The following SMURF1 variants were observed in gnomAD, a reference collection of about 807,000 sequenced individuals.
The protein encoded by SMURF1 is E3 ubiquitin-protein ligase SMURF1.
Under a neutral mutation model 98.0 loss-of-function variants are expected in SMURF1, and 44 were observed. That is an observed-to-expected ratio of 0.45 (90% CI 0.35 to 0.58). The LOEUF (loss-of-function observed/expected upper bound fraction) is 0.58. Among genes scored for constraint, SMURF1 ranks in the 20% least tolerant of loss-of-function variants. SMURF1 has a pLI of 0.00. For synonymous variants in SMURF1, 396 were observed against 374.9 expected, an observed-to-expected ratio of 1.06 and a Z score of -0.65; for missense variants, 687 against 938.4, an observed-to-expected ratio of 0.73 and a Z score of 3.50.
At chr7:99,113,559 G>A (rs373045995) in intron 1 of SMURF1, among the ~76,000 whole-genome samples, 5 of 151,940 alleles carry the variant, frequency 3.3e-5, no homozygotes, top group Admixed American at 1.3e-4. Context: ...AACATTAGAC[G>A]GCTGGGAGCG....
Position 99,030,682 on chromosome 7 carries a change from A to C in SMURF1, c.2098T>G (p.Phe700Val). The C allele has an allele frequency of 1.9e-6, 3 of 1,613,878 alleles. No homozygotes were observed. Among genetic ancestry groups the C allele is most frequent in the Non-Finnish European group, 2.5e-6 (3 of 1,179,884 alleles). ...TDNLPKAHTCFNRIDIPPYES... is the reference protein window; with the variant it reads ...TDNLPKAHTCVNRIDIPPYES... The stretch of plus-strand genomic sequence containing the variant: ...TATGGTGGAATGTCGATCCGGTTAA[A>C]GCTGAAAAAGGACAAAAGAGAGTCA... The change falls in exon 18 of 18, where the codon TTT becomes GTT. Residue 700 changes from phenylalanine to valine, a missense_variant and splice_region_variant. Transcript: ENST00000361368.
intron 1 of SMURF1, among the ~76,000 whole-genome samples, chr7:99,084,789 T>C (rs1350817819): frequency 6.6e-6 from 1 of 152,142 alleles, no homozygotes; most frequent in Non-Finnish European, 1.5e-5. Flanking sequence ...CTTACTGATA[T>C]GGTTTGGGTA....
At chr7:99,070,570 T>G (rs1796293585) in intron 1 of SMURF1, among the ~76,000 whole-genome samples, 1 of 152,218 alleles carries the variant, frequency 6.6e-6, no homozygotes, top group African/African-American at 2.4e-5. Flanking sequence ...TCTTAACCAC[T>G]GTCTCCCCAG....
intron 17 of SMURF1, among the ~76,000 whole-genome samples, chr7:99,032,438 G>A (rs1794937890): frequency 6.6e-6 from 1 of 152,228 alleles, no homozygotes; most frequent in African/African-American, 2.4e-5. Flanking sequence ...GGAGGCCGAG[G>A]TGGGCAGATC....
rs1386687681 is a variant in SMURF1, at chr7:99,063,282, TATATATATATATATATATATATAA to T, written c.56-1469_56-1446del. 2.8e-3 allele frequency among the ~76,000 whole-genome samples: 48 copies of T among 16,988 alleles called. 4 individuals are homozygous for T. The highest frequency in any genetic ancestry group is 6.2e-3 in the East Asian group (4 of 644). The allele number at this position is 16,988 out of a possible 152,430, so 11.1% of individuals were successfully genotyped here. A position where few individuals can be genotyped will look rare whatever the true frequency, so the allele number is the denominator to read the frequency against. ...ATATATATATATATATATATATATA[TATATATATATATATATATATATAA>T]AAAGAGACAGGGTCTCACTCCGTCA... On this transcript the variant is annotated intron_variant, in intron 1 of 17. Transcript: ENST00000361368.
intron 1 of SMURF1, among the ~76,000 whole-genome samples, chr7:99,085,353 C>CAAAAAA (rs992976220): frequency 1.1e-4 from 6 of 52,234 alleles, no homozygotes; most frequent in Non-Finnish European, 1.9e-4. Flanking sequence ...AACTCCATCT[C>CAAAAAA]AAAAAAAAAA....
chr7:99,126,620 A>T (rs975898988), intron 1 of SMURF1, among the ~76,000 whole-genome samples: 1 of 152,188 alleles, frequency 6.6e-6, no homozygotes, highest in African/African-American at 2.4e-5. Context: ...GCGCCATTGC[A>T]CTCCAGCCTG....
intron 1 of SMURF1, among the ~76,000 whole-genome samples, chr7:99,067,953 C>G (rs907261723): frequency 6.6e-6 from 1 of 152,052 alleles, no homozygotes; most frequent in East Asian, 1.9e-4. Context: ...GACTATCCCC[C>G]CCACCAAAAA....
rs368071860 is a variant in SMURF1 at position 99,057,325 on chromosome 7, C to A, written c.338-55G>T. 23 of 1,613,536 alleles carry A rather than the reference C, an allele frequency of 1.4e-5. No individual in the cohort carries two copies. The African/African-American group carries it at 2.4e-4, about 17-fold the overall frequency. ...AAGGAACGTGAACTAGGGAGGAAGG[C>A]AGGAATTCAGTATTCAGCGATCAAA... On this transcript the variant is annotated intron_variant, in intron 4 of 17. Transcript: ENST00000361368.
intron 1 of SMURF1, among the ~76,000 whole-genome samples, chr7:99,123,493 C>T (rs1352923582): frequency 6.6e-6 from 1 of 152,050 alleles, no homozygotes; most frequent in Non-Finnish European, 1.5e-5. Context: ...ATGATTGCAC[C>T]GCTGCACTCT....
At chr7:99,057,949 A>C (rs1481400818) in intron 3 of SMURF1, among the ~76,000 whole-genome samples, 1 of 151,732 alleles carries the variant, frequency 6.6e-6, no homozygotes, top group Non-Finnish European at 1.5e-5. Context: ...TCTTTAAGAA[A>C]CCTTATAAAA....
chr7:99,038,893 C>T lies in SMURF1; in HGVS notation c.1551-368G>A, dbSNP rs145282849. On this transcript the variant is annotated intron_variant, in intron 13 of 17. Transcript: ENST00000361368. ...AAATTGACCTGGAGATGAAGCCATG[C>T]CAAGAAAATACTGTGCCTGGCCAGG... Among the ~76,000 whole-genome samples, 233 of 152,098 alleles carry T rather than the reference C, an allele frequency of 1.5e-3. 1 individual carries two copies. The highest frequency in any genetic ancestry group is 5.4e-3 in the African/African-American group (223 of 41,500).
At chr7:99,092,150 T>C (rs1363051800) in intron 1 of SMURF1, among the ~76,000 whole-genome samples, 1 of 152,200 alleles carries the variant, frequency 6.6e-6, no homozygotes, top group Non-Finnish European at 1.5e-5. Context: ...ATTTTTAACT[T>C]GTCTTAATAA....
chr7:99,040,977 T>A (rs1795354787), intron 12 of SMURF1, among the ~76,000 whole-genome samples: 1 of 151,870 alleles, frequency 6.6e-6, no homozygotes, highest in Non-Finnish European at 1.5e-5. Context: ...AAGGGCAAGT[T>A]CCCTTCCTCC....
chr7:99,051,045 A>G (rs1414546030), intron 8 of SMURF1: 2 of 1,462,588 alleles, frequency 1.4e-6, no homozygotes, highest in East Asian at 2.5e-5. Flanking sequence ...CAGAGTCTTT[A>G]TATTTCCTTG....
chr7:99,108,477 T>G (rs1797241902), intron 1 of SMURF1, among the ~76,000 whole-genome samples: 1 of 149,050 alleles, frequency 6.7e-6, no homozygotes, highest in South Asian at 2.1e-4. Flanking sequence ...CCGAGCGTGG[T>G]GGTGCATGCC....
intron 1 of SMURF1, among the ~76,000 whole-genome samples, chr7:99,079,416 G>A (rs1409055124): frequency 6.6e-6 from 1 of 152,206 alleles, no homozygotes; most frequent in African/African-American, 2.4e-5. Context: ...CGAAGGAGAA[G>A]CAGGAAATCC....
At chr7:99,132,018 A>G (rs1797881990) in intron 1 of SMURF1, among the ~76,000 whole-genome samples, 1 of 152,184 alleles carries the variant, frequency 6.6e-6, no homozygotes, top group South Asian at 2.1e-4. Context: ...GGGAGAGGCT[A>G]AGGAAAAGAC....
At chr7:99,083,824 T>C (rs982601222) in intron 1 of SMURF1, among the ~76,000 whole-genome samples, 4 of 152,222 alleles carry the variant, frequency 2.6e-5, no homozygotes, top group African/African-American at 9.6e-5. Context: ...ATGGAAATGT[T>C]TACTTTTGGG....
Sources: gnomAD v4.1 joint callset for allele counts (sites outside exome capture counted in the v4.1 genomes callset) on GRCh38, gnomAD v4.1.1 for gene constraint, MANE v1.5 for transcripts, NCBI Gene and HGNC (gene_info 2026-07-23, HGNC 2026-07-21) for gene names.